Variants in TDRD7 observed in about 807,000 individuals in gnomAD.
The protein encoded by TDRD7 is tudor domain containing 7.
TDRD7 carries 47 observed loss-of-function variants against 109.8 expected under a neutral mutation model. The ratio of observed to expected loss-of-function variants is 0.43; its 90% CI spans 0.34 to 0.55. TDRD7 has a LOEUF of 0.55. TDRD7 is among the 20% of genes least tolerant of loss of function. The probability of loss-of-function intolerance (pLI) is 0.03; values close to 1 mark genes in which losing one functional copy is unlikely to be tolerated. For synonymous variants in TDRD7, 424 were observed against 457.3 expected (o/e 0.93, Z 0.93); for missense variants, 1,164 against 1,319.2 (o/e 0.88, Z 1.82).
intron 2 of TDRD7, among the ~76,000 whole-genome samples, chr9:97,429,684 GC>G (rs1330715425): frequency 6.6e-6 from 1 of 152,110 alleles, no homozygotes; most frequent in Non-Finnish European, 1.5e-5. Flanking sequence ...ACAGACTTAA[GC>G]CCTCCTTTCT....
At chr9:97,493,652 G>A (rs1027895396) in intron 16 of TDRD7, among the ~76,000 whole-genome samples, 7 of 152,140 alleles carry the variant, frequency 4.6e-5, no homozygotes, top group Non-Finnish European at 8.8e-5. Flanking sequence ...GAATTTCCTC[G>A]TCCTAATAAG....
At chr9:97,494,709 T>C (rs1564219899) in intron 16 of TDRD7, among the ~76,000 whole-genome samples, 3 of 95,236 alleles carry the variant, frequency 3.2e-5, no homozygotes, top group African/African-American at 1.2e-4. Context: ...TATATATATA[T>C]ATATTTTTTT....
chr9:97,446,135 C>T (rs1828396158), intron 6 of TDRD7, among the ~76,000 whole-genome samples: 1 of 152,086 alleles, frequency 6.6e-6, no homozygotes, highest in Non-Finnish European at 1.5e-5. Flanking sequence ...TCTTAAATTC[C>T]AAATCCTGCA....
intron 1 of TDRD7, among the ~76,000 whole-genome samples, chr9:97,426,936 T>C (rs1828006809): frequency 6.6e-6 from 1 of 152,252 alleles, no homozygotes; most frequent in South Asian, 2.1e-4. Context: ...TTGTCTAGAA[T>C]TCTCCGCTGT....
chr9:97,454,595 A>G (rs1171776337), intron 6 of TDRD7, among the ~76,000 whole-genome samples: 1 of 152,248 alleles, frequency 6.6e-6, no homozygotes, highest in Non-Finnish European at 1.5e-5. Context: ...TCCTGGGTAA[A>G]TAATGAAATT....
At position 97,495,871 on chromosome 9, in the gene TDRD7, A is replaced by G. The variant is rs374071239; in HGVS notation, c.3285A>G (p.Ser1095=). The part of the protein sequence containing the change: ...DFMSEYLIEL[S]KVN Reference sequence around the variant, plus strand: ...TGTCAGAGTATCTGATAGAGCTTTCAAAAGTTAATTAATGACTGCCTCTGA... The same window carrying G: ...TGTCAGAGTATCTGATAGAGCTTTCGAAAGTTAATTAATGACTGCCTCTGA... The change falls in exon 17 of 17, where the codon TCA becomes TCG. Residue 1095 remains serine, a synonymous_variant. Coordinates refer to ENST00000355295, the MANE Select transcript of TDRD7 (RefSeq NM_014290.3). 13 of 1,614,014 alleles carry G rather than the reference A, an allele frequency of 8.1e-6. No individual in the cohort carries two copies. The African/African-American group carries it at 1.5e-4, about 18-fold the overall frequency.
At chr9:97,471,204 G>A (rs990389668) in intron 9 of TDRD7, among the ~76,000 whole-genome samples, 1 of 152,120 alleles carries the variant, frequency 6.6e-6, no homozygotes, top group African/African-American at 2.4e-5. Context: ...TGCCATGTAG[G>A]GATAAACTTA....
intron 1 of TDRD7, among the ~76,000 whole-genome samples, chr9:97,413,182 T>C (rs1475959708): frequency 6.6e-6 from 1 of 152,154 alleles, no homozygotes; most frequent in African/African-American, 2.4e-5. Context: ...AGAAATGTTC[T>C]CTCTAGAGAG....
At chr9:97,459,733 T>C (rs999555335) in intron 6 of TDRD7, among the ~76,000 whole-genome samples, 2 of 152,250 alleles carry the variant, frequency 1.3e-5, no homozygotes, top group Non-Finnish European at 2.9e-5. Flanking sequence ...CTCAGGCTAT[T>C]GCAAGAAGAA....
chr9:97,444,713 G>GT (rs941274899), intron 6 of TDRD7, among the ~76,000 whole-genome samples: 1 of 152,014 alleles, frequency 6.6e-6, no homozygotes, highest in South Asian at 2.1e-4. Context: ...TTTTTTAAGG[G>GT]TTTTTTCCTC....
At chr9:97,495,343 TTC>T (rs1211103264) in intron 16 of TDRD7, among the ~76,000 whole-genome samples, 3 of 152,226 alleles carry the variant, frequency 2.0e-5, no homozygotes, top group Non-Finnish European at 4.4e-5. Context: ...TGATATTTTA[TTC>T]TGTTATTAGT....
intron 16 of TDRD7, among the ~76,000 whole-genome samples, chr9:97,492,337 A>C (rs1587899049): frequency 6.6e-6 from 1 of 152,318 alleles, no homozygotes; most frequent in East Asian, 1.9e-4. Flanking sequence ...ACATCAGGGA[A>C]TAGCAGCTTA....
intron 5 of TDRD7, among the ~76,000 whole-genome samples, chr9:97,440,674 A>G (rs1828287458): frequency 6.6e-6 from 1 of 152,190 alleles, no homozygotes; most frequent in Non-Finnish European, 1.5e-5. Flanking sequence ...GCTTCCTGGC[A>G]TTCTCAGAGG....
At chr9:97,438,994 T>C (rs1405199452) in intron 4 of TDRD7, among the ~76,000 whole-genome samples, 4 of 152,190 alleles carry the variant, frequency 2.6e-5, no homozygotes, top group Non-Finnish European at 5.9e-5. Context: ...AATTCTGACA[T>C]CCAAGTTTTG....
At chr9:97,423,394 CCTT>C (rs1356303454) in intron 1 of TDRD7, among the ~76,000 whole-genome samples, 15 of 148,650 alleles carry the variant, frequency 1.0e-4, no homozygotes, top group East Asian at 2.0e-4. Flanking sequence ...GTAATTTGTG[CCTT>C]CTTTTTTTTT....
intron 1 of TDRD7, among the ~76,000 whole-genome samples, chr9:97,414,480 C>G (rs995567642): frequency 6.6e-6 from 1 of 152,208 alleles, no homozygotes; most frequent in Non-Finnish European, 1.5e-5. Context: ...GCCCACCTTT[C>G]TTATCTTCCT....
At chr9:97,486,496 T>G (rs915439911) in intron 15 of TDRD7, among the ~76,000 whole-genome samples, 12 of 152,172 alleles carry the variant, frequency 7.9e-5, no homozygotes, top group African/African-American at 2.9e-4. Flanking sequence ...TTCTTTATTT[T>G]AGGTGGTGGG....
At chr9:97,440,987 A>C (rs1002742556) in intron 5 of TDRD7, among the ~76,000 whole-genome samples, 4 of 152,216 alleles carry the variant, frequency 2.6e-5, no homozygotes, top group Non-Finnish European at 5.9e-5. Context: ...AAACTTTATA[A>C]ATACACACTT....
intron 1 of TDRD7, among the ~76,000 whole-genome samples, chr9:97,413,183 C>T (rs1827751091): frequency 6.6e-6 from 1 of 152,218 alleles, no homozygotes; most frequent in South Asian, 2.1e-4. Flanking sequence ...GAAATGTTCT[C>T]TCTAGAGAGA....
Sources: gnomAD v4.1 joint callset for allele counts (sites outside exome capture counted in the v4.1 genomes callset) on GRCh38, gnomAD v4.1.1 for gene constraint, MANE v1.5 for transcripts, NCBI Gene and HGNC (gene_info 2026-07-23, HGNC 2026-07-21) for gene names.